UNC13C: variants seen among roughly 807,000 people sequenced by gnomAD.
UNC13C encodes the protein unc-13 homolog C.
In UNC13C, 174 loss-of-function variants were observed where a neutral mutation model predicts 245.4. The observed-to-expected ratio is 0.71, with a 90% CI of 0.63 to 0.80. The LOEUF (loss-of-function observed/expected upper bound fraction) is 0.80. Among genes scored for constraint, UNC13C ranks in the 30% least tolerant of loss-of-function variants. The pLI is 0.00. For missense variants in UNC13C, 2,829 were observed against 2,602.9 expected (o/e 1.09, Z -1.89); for synonymous variants, 992 against 895.1 (o/e 1.11, Z -1.93).
At chr15:54,112,979 A>G (rs2029923976) in intron 2 of UNC13C, among the ~76,000 whole-genome samples, 1 of 152,224 alleles carries the variant, frequency 6.6e-6, no homozygotes. Flanking sequence ...GTATGAAGCA[A>G]CAGGGTTGCA....
rs140668523 is a variant in UNC13C at position 54,534,909 on chromosome 15, G to A, written c.5696+1843G>A. On this transcript the variant is annotated intron_variant, in intron 26 of 32. Transcript: ENST00000260323. Reference sequence around the variant, plus strand: ...TGCCTCTCAAGATGTCCCTAAGGGAGTGCTAAACATGAAAATGAAAGATCA... The same window carrying A: ...TGCCTCTCAAGATGTCCCTAAGGGAATGCTAAACATGAAAATGAAAGATCA... 7.4e-3 allele frequency among the ~76,000 whole-genome samples: 1,129 copies of A among 152,278 alleles called. 15 individuals carry two copies. Among genetic ancestry groups the A allele is most frequent in the African/African-American group, 0.026 (1,076 of 41,546 alleles).
chr15:54,417,112 G>A (rs79434818), intron 19 of UNC13C: 12,447 of 364,110 alleles, frequency 0.034, 496 homozygotes, highest in Admixed American at 0.14. Flanking sequence ...ATTTGATTAT[G>A]TATGTGTCTT....
At chr15:54,409,943 A>G (rs957885148) in intron 18 of UNC13C, among the ~76,000 whole-genome samples, 2 of 152,196 alleles carry the variant, frequency 1.3e-5, no homozygotes, top group Admixed American at 6.5e-5. Context: ...TCTTTGAGAA[A>G]TCTCCAAACT....
intron 19 of UNC13C, among the ~76,000 whole-genome samples, chr15:54,465,928 G>A (rs945301963): frequency 2.6e-5 from 4 of 151,934 alleles, no homozygotes; most frequent in South Asian, 2.1e-4. Context: ...GATTATGTGC[G>A]TAGACAAGAA....
At chr15:53,906,719 A>C in the UNC13C span, among the ~76,000 whole-genome samples, 1 of 152,172 alleles carries the variant, frequency 6.6e-6, no homozygotes, top group Non-Finnish European at 1.5e-5. Flanking sequence ...CCATTCTCAC[A>C]CTGCTATAAA....
chr15:54,532,849 G>A lies in UNC13C; in HGVS notation c.5547-68G>A, dbSNP rs960458309. 2.4e-5 allele frequency: 25 copies of A among 1,051,104 alleles called. 1 individual carries two copies. In the South Asian group the frequency reaches 3.4e-4, roughly 14 times the overall value. The allele number at this position is 1,051,104 out of a possible 1,614,324, so 65.1% of individuals were successfully genotyped here. ...AGTTGAAACAGATCAAAATCCTCAGGGTGAAATTGGAACAGGCTCAGGCAA... is the reference window on the plus strand; with the variant it reads ...AGTTGAAACAGATCAAAATCCTCAGAGTGAAATTGGAACAGGCTCAGGCAA... On this transcript the variant is annotated intron_variant, in intron 25 of 32. Coordinates refer to ENST00000260323, the MANE Select transcript of UNC13C (RefSeq NM_001080534.3).
chr15:54,052,095 C>T (rs1267140439), intron 2 of UNC13C, among the ~76,000 whole-genome samples: 4 of 103,026 alleles, frequency 3.9e-5, no homozygotes, highest in Admixed American at 3.5e-4. Flanking sequence ...ATGAACTCAT[C>T]ATTTTTTATG....
At chr15:54,314,967 T>G (rs183341523) in intron 13 of UNC13C, among the ~76,000 whole-genome samples, 147 of 151,852 alleles carry the variant, frequency 9.7e-4, no homozygotes, top group African/African-American at 3.4e-3. Flanking sequence ...CTTCTGACTG[T>G]GGTATGTGAA....
Position 54,350,211 on chromosome 15 carries a change from T to C in UNC13C, c.4713+11722T>C, listed in dbSNP as rs528680615. 7.2e-5 allele frequency among the ~76,000 whole-genome samples: 11 copies of C among 152,256 alleles called. No individual in the cohort carries two copies. In the South Asian group the frequency reaches 1.9e-3, roughly 26 times the overall value. On this transcript the variant is annotated intron_variant, in intron 17 of 32. Coordinates refer to ENST00000260323, the MANE Select transcript of UNC13C (RefSeq NM_001080534.3). ...TTCACCGTGTTAGCCAGGATGGTCT[T>C]GATCTCCTGACCTCGTGATCCGCCT...
rs772307473 is a variant in UNC13C at position 54,015,839 on chromosome 15, C to T, written c.2936C>T (p.Ala979Val). 17 of 1,605,376 alleles carry T rather than the reference C, an allele frequency of 1.1e-5. No homozygotes were observed. The African/African-American group carries it at 2.0e-4, about 19-fold the overall frequency. Reference sequence around the variant, plus strand: ...TCTTTCAAAGAAGCAGCTTTAAGGGCCTATAAAAAGCAAATGGCAGAGTTG... The same window carrying T: ...TCTTTCAAAGAAGCAGCTTTAAGGGTCTATAAAAAGCAAATGGCAGAGTTG... ...RPSFKEAALR[A>V]YKKQMAELEE... The change falls in exon 2 of 33, where the codon GCC becomes GTC. Residue 979 changes from alanine (A) to valine (V), a missense_variant. Transcript: ENST00000260323.
chr15:54,549,768 T>A, intron 28 of UNC13C, 77 bp downstream of exon 28: 2 of 868,090 alleles, frequency 2.3e-6, no homozygotes, highest in African/African-American at 1.7e-5. Flanking sequence ...CTCCTCCTAG[T>A]AATAGTATCT....
intron 2 of UNC13C, among the ~76,000 whole-genome samples, chr15:54,091,855 C>T (rs747599021): frequency 6.6e-6 from 1 of 151,988 alleles, no homozygotes; most frequent in Non-Finnish European, 1.5e-5. Context: ...AGCATTTTCT[C>T]GTTGAGATTT....
chr15:53,947,518 A>C, the UNC13C span: 1 of 152,222 alleles, frequency 6.6e-6, no homozygotes. Context: ...ATGCTCTACC[A>C]ACTGGAAGTA....
In UNC13C at chr15:54,169,986, C is replaced by CT. The variant is rs1303812026; in HGVS notation, c.3071+26307dup. ...GCTTCATATCAGCAAGGACAATATC[C>CT]TTTTTCTTTTTTTTTTTTTTTTAAA... On this transcript the variant is annotated intron_variant, in intron 4 of 32. Coordinates refer to ENST00000260323, the MANE Select transcript of UNC13C (RefSeq NM_001080534.3). Among the ~76,000 whole-genome samples the CT allele has an allele frequency of 2.2e-3, 201 of 92,888 alleles. 2 individuals are homozygous for CT. Among genetic ancestry groups the CT allele is most frequent in the Non-Finnish European group, 2.7e-3 (131 of 48,996 alleles). The allele number at this position is 92,888 out of a possible 152,430, so 60.9% of individuals were successfully genotyped here.
chr15:54,201,044 A>C (rs1259251043), intron 4 of UNC13C, among the ~76,000 whole-genome samples: 1 of 152,066 alleles, frequency 6.6e-6, no homozygotes, highest in Non-Finnish European at 1.5e-5. Flanking sequence ...ACCTTTATGC[A>C]CATAAACTAG....
the UNC13C span, among the ~76,000 whole-genome samples, chr15:53,858,579 T>C: frequency 0.61 from 92,936 of 151,218 alleles, 28,793 homozygotes; most frequent in East Asian, 0.76. Flanking sequence ...CCTCACCGCA[T>C]GCAGCTAATT....
intron 30 of UNC13C, among the ~76,000 whole-genome samples, chr15:54,594,491 A>G (rs1898963604): frequency 6.6e-6 from 1 of 152,050 alleles, no homozygotes; most frequent in Admixed American, 6.5e-5. Context: ...CTCCTTGGGC[A>G]GGTCTTGCTG....
intron 26 of UNC13C, among the ~76,000 whole-genome samples, chr15:54,543,180 G>A (rs554927573): frequency 6.6e-6 from 1 of 152,100 alleles, no homozygotes; most frequent in Non-Finnish European, 1.5e-5. Context: ...GGGAGCTCTT[G>A]TAAGGCAGAC....
intron 22 of UNC13C, among the ~76,000 whole-genome samples, chr15:54,502,135 T>C (rs565218353): frequency 6.6e-6 from 1 of 152,288 alleles, no homozygotes; most frequent in South Asian, 2.1e-4. Flanking sequence ...ACTGAGGTTT[T>C]AGGCTGTTCA....
Sources: gnomAD v4.1 joint callset for allele counts (sites outside exome capture counted in the v4.1 genomes callset) on GRCh38, gnomAD v4.1.1 for gene constraint, MANE v1.5 for transcripts, NCBI Gene and HGNC (gene_info 2026-07-23, HGNC 2026-07-21) for gene names.